The following CEP164 variants were observed in gnomAD, a reference collection of about 807,000 sequenced individuals.
CEP164 encodes centrosomal protein 164.
A neutral mutation model predicts 182.7 loss-of-function variants in CEP164; 162 were observed. That is an observed-to-expected ratio of 0.89 (90% confidence interval 0.78 to 1.01). The LOEUF (loss-of-function observed/expected upper bound fraction) is 1.01, where lower values mean the gene tolerates loss of function less well. Among genes scored for constraint, CEP164 ranks in the 50% least tolerant of loss-of-function variants. The probability of loss-of-function intolerance (pLI) is 0.00; values close to 1 mark genes in which losing one functional copy is unlikely to be tolerated. For missense variants in CEP164, 1,735 were observed against 1,790.4 expected (o/e 0.97, Z 0.56); for synonymous variants, 661 against 690.0 (o/e 0.96, Z 0.66).
rs2043350020 is a variant in CEP164, at chr11:117,381,828, G to T, written c.1537G>T (p.Asp513Tyr). 1.3e-6 allele frequency: 2 copies of T among 1,539,050 alleles called. No individual in the cohort carries two copies. Among genetic ancestry groups the T allele is most frequent in the Middle Eastern group, 1.7e-4 (1 of 5,784 alleles). Reference sequence around the variant, plus strand: ...GAAGGAGGCAGAGGAGCTTGGGGAGGACTCTGCAGCCAGCCTCAGCCTGCA... The same window carrying T: ...GAAGGAGGCAGAGGAGCTTGGGGAGTACTCTGCAGCCAGCCTCAGCCTGCA... ...EWKEAEELGEDSAASLSLQLS... is the reference protein window; with the variant it reads ...EWKEAEELGEYSAASLSLQLS... Residue 513 changes from aspartate to tyrosine, a missense_variant, in exon 13 of 33, where the codon GAC becomes TAC. Physicochemically the swap from Asp to Tyr is radical, Grantham distance 160. Coordinates refer to ENST00000278935, the MANE Select transcript of CEP164 (RefSeq NM_014956.5).
chr11:117,336,950 A>G (rs886836874), intron 2 of CEP164, among the ~76,000 whole-genome samples: 1 of 151,700 alleles, frequency 6.6e-6, no homozygotes, highest in Non-Finnish European at 1.5e-5. Flanking sequence ...CCATGGGGAG[A>G]GTTGGTGGGA....
At chr11:117,396,882 C>T (rs558036039) in intron 26 of CEP164, among the ~76,000 whole-genome samples, 7 of 152,362 alleles carry the variant, frequency 4.6e-5, no homozygotes, top group African/African-American at 1.7e-4. Flanking sequence ...GGCCTGATCC[C>T]TCTCAGAGTC....
intron 24 of CEP164, 149 bp downstream of exon 24, chr11:117,395,871 G>C: frequency 2.5e-6 from 3 of 1,224,288 alleles, no homozygotes; most frequent in South Asian, 1.5e-5. Context: ...ATTTTGTAGG[G>C]AGTTGGGGTT....
chr11:117,409,906 C>A lies in CEP164; in HGVS notation c.4037C>A (p.Ser1346Tyr). The A allele has an allele frequency of 1.2e-6, 2 of 1,614,152 alleles. No homozygotes were observed. Among genetic ancestry groups the A allele is most frequent in the African/African-American group, 1.3e-5 (1 of 75,042 alleles). The part of the protein sequence containing the change: ...WDSGQGPRLP[S>Y]SVAQTVDDFL... ...TCAGGGCAGGGGCCCAGGCTCCCCT[C>A]CTCTGTGGCTCAAACGGTGGACGAC... The change falls in exon 30 of 33, where the codon TCC (serine) becomes TAC (tyrosine). Residue 1346 changes from serine (S) to tyrosine (Y), a missense_variant. Transcript: ENST00000278935. The surrounding 1 kb of genome is among the most constrained non-coding windows in gnomAD (Gnocchi z 4.4).
chr11:117,328,787 C>T (rs1308167619), intron 1 of CEP164, among the ~76,000 whole-genome samples: 1 of 152,152 alleles, frequency 6.6e-6, no homozygotes, highest in Non-Finnish European at 1.5e-5. Flanking sequence ...TCGGACATGC[C>T]CTGTCTTCTA....
chr11:117,411,733 G>A lies in CEP164; in HGVS notation c.4164-62G>A, dbSNP rs1382041956. On this transcript the variant is annotated intron_variant, in intron 31 of 32. Coordinates refer to ENST00000278935, the MANE Select transcript of CEP164 (RefSeq NM_014956.5). The surrounding 1 kb of genome is among the most constrained non-coding windows in gnomAD (Gnocchi z 4.4). ...AGGTGACAGATGTGATGGCCTCTGT[G>A]CATCCTCTGTCACTTCCGCGCCTCC... The A allele has an allele frequency of 1.9e-6, 3 of 1,602,918 alleles. No individual in the cohort carries two copies. The East Asian group carries it at 6.7e-5, about 36-fold the overall frequency.
At chr11:117,392,145 G>A (rs1425003062) in intron 17 of CEP164, 81 bp from the exon 18 acceptor site, 1 of 1,277,718 alleles carries the variant, frequency 7.8e-7, no homozygotes, top group African/African-American at 1.5e-5. Context: ...GGGCTTGGGG[G>A]TCGGTAGTCT....
intron 2 of CEP164, among the ~76,000 whole-genome samples, chr11:117,337,752 G>T (rs2037426593): frequency 6.6e-6 from 1 of 152,100 alleles, no homozygotes; most frequent in South Asian, 2.1e-4. Context: ...AGCCATGCCA[G>T]TCTTGCCAGA....
intron 5 of CEP164, among the ~76,000 whole-genome samples, chr11:117,352,394 C>T (rs563499195): frequency 5.2e-4 from 79 of 152,180 alleles, no homozygotes; most frequent in African/African-American, 1.9e-3. Context: ...TCAGGCCTCC[C>T]TAGTGTGGGT....
chr11:117,378,526 T>C (rs192846800), intron 11 of CEP164, among the ~76,000 whole-genome samples: 6 of 152,292 alleles, frequency 3.9e-5, no homozygotes, highest in African/African-American at 9.6e-5. Flanking sequence ...ACACCATGGT[T>C]TATTTAACTG....
In CEP164 at chr11:117,381,786, G is replaced by A. The variant is rs763039493; in HGVS notation, c.1495G>A (p.Glu499Lys). 49 of 1,587,542 alleles carry A rather than the reference G, an allele frequency of 3.1e-5. No individual in the cohort carries two copies. The highest frequency in any genetic ancestry group is 3.5e-5 in the Admixed American group (2 of 56,726). ...ATEEEPPQGP[E>K]GQPEWKEAEE... ...TGAAGAAGAGCCTCCCCAGGGCCCC[G>A]AGGGGCAGCCCGAGTGGAAGGAGGC... The change falls in exon 13 of 33, where the codon GAG (glutamate) becomes AAG (lysine). Residue 499 changes from glutamate to lysine, a missense_variant. Glu to Lys is a moderately conservative substitution (Grantham distance 56, BLOSUM62 1). Transcript: ENST00000278935.
chr11:117,369,999 G>A (rs985519236), intron 8 of CEP164, among the ~76,000 whole-genome samples: 1 of 152,182 alleles, frequency 6.6e-6, no homozygotes, highest in Admixed American at 6.5e-5. Context: ...CTGGTGATGG[G>A]CACAACAGGG....
At chr11:117,392,654 C>T (rs760119974) in intron 19 of CEP164, 27 bp downstream of exon 19, 51 of 1,608,406 alleles carry the variant, frequency 3.2e-5, no homozygotes, top group East Asian at 1.8e-4. Context: ...CTTCCACAGT[C>T]GTGTGCGCCT....
intron 3 of CEP164, among the ~76,000 whole-genome samples, chr11:117,340,297 C>T (rs918975986): frequency 2.6e-5 from 4 of 152,234 alleles, no homozygotes; most frequent in African/African-American, 7.2e-5. Flanking sequence ...ATTGGGATTA[C>T]AGGCATGAGC....
chr11:117,401,938 AT>A (rs750721076), intron 27 of CEP164, among the ~76,000 whole-genome samples: 1 of 151,908 alleles, frequency 6.6e-6, no homozygotes, highest in Admixed American at 6.6e-5. Flanking sequence ...GGATTGATTG[AT>A]TTTTTTAAAG....
At chr11:117,395,407 C>T (rs2045306930) in intron 23 of CEP164, 140 bp from the exon 24 acceptor site, 1 of 1,054,896 alleles carries the variant, frequency 9.5e-7, no homozygotes, top group Non-Finnish European at 1.4e-6. Flanking sequence ...GACCTCTTGA[C>T]CTCAGAGGTG....
At chr11:117,336,210 A>G in intron 2 of CEP164, 1 of 1,591,830 alleles carries the variant, frequency 6.3e-7, no homozygotes, top group Non-Finnish European at 8.6e-7. Context: ...TTCAGTCAGA[A>G]TCGCTGCTGG....
intron 32 of CEP164, 42 bp from the exon 33 acceptor site, chr11:117,412,030 G>A (rs1021299013): frequency 1.2e-6 from 2 of 1,612,464 alleles, no homozygotes; most frequent in Admixed American, 1.7e-5. Flanking sequence ...CCCCTGCCTG[G>A]CTATGCCCAG....
intron 8 of CEP164, among the ~76,000 whole-genome samples, chr11:117,368,109 A>C (rs887610515): frequency 3.3e-5 from 5 of 152,212 alleles, no homozygotes; most frequent in African/African-American, 1.2e-4. Flanking sequence ...TACTGAGGAC[A>C]ATAGGGAGCT....
Sources: gnomAD v4.1 joint callset for allele counts (sites outside exome capture counted in the v4.1 genomes callset) on GRCh38, gnomAD v4.1.1 for gene constraint, Gnocchi (gnomAD v3.1) non-coding constraint, MANE v1.5 for transcripts, NCBI Gene and HGNC (gene_info 2026-07-23, HGNC 2026-07-21) for gene names.